Variants in PCDH11X observed in about 807,000 individuals in gnomAD.
PCDH11X encodes the protein protocadherin 11 X-linked.
Under a neutral mutation model 53.3 loss-of-function variants are expected in PCDH11X, and 18 were observed. The observed-to-expected ratio is 0.34, with a 90% confidence interval of 0.23 to 0.50. The LOEUF is 0.50. PCDH11X is among the 20% of genes least tolerant of loss of function. The pLI is 0.98. For synonymous variants in PCDH11X, 279 were observed against 393.3 expected (o/e 0.71, Z 3.44); for missense variants, 570 against 1,032.4 (o/e 0.55, Z 6.14).
intron 10 of PCDH11X, among the ~76,000 whole-genome samples, chrX:92,575,978 GTATATATATA>G (rs1173562560): frequency 1.4e-3 from 26 of 18,446 alleles, no homozygotes; most frequent in Non-Finnish European, 2.0e-3. Context: ...CACCTGGGGT[GTATATATATA>G]TATATATATA....
intron 10 of PCDH11X, among the ~76,000 whole-genome samples, chrX:92,552,233 G>C (rs5942300): frequency 0.25 from 19,272 of 77,985 alleles, 3,590 homozygotes; most frequent in Non-Finnish European, 0.33. Flanking sequence ...TTTCATCAGT[G>C]TTTTATAGCT....
At chrX:92,432,209 A>G (rs1786332192) in intron 9 of PCDH11X, among the ~76,000 whole-genome samples, 1 of 110,488 alleles carries the variant, frequency 9.1e-6, no homozygotes, top group Non-Finnish European at 1.9e-5. Context: ...ATTCCAAATA[A>G]TATGGCACCA....
chrX:92,254,386 C>T (rs2067521982), intron 7 of PCDH11X, among the ~76,000 whole-genome samples: 1 of 110,905 alleles, frequency 9.0e-6, no homozygotes, highest in South Asian at 3.9e-4. Context: ...GGTCTTGACT[C>T]TTTATCCAAT....
At position 91,958,476 on chromosome X, in the gene PCDH11X, T is replaced by A. The variant is rs2061739315; in HGVS notation, c.3033+79203T>A. Among the ~76,000 whole-genome samples, 3 of 111,076 alleles carry A rather than the reference T, an allele frequency of 2.7e-5. No individual in the cohort carries two copies. The Admixed American group carries it at 2.9e-4, about 11-fold the overall frequency. On this transcript the variant is annotated intron_variant, in intron 6 of 10. Coordinates refer to ENST00000682573, the MANE Select transcript of PCDH11X (RefSeq NM_032968.5). ...GACCCAAGGCCCTGGTGGTGTGGGC[T>A]CATGAGGCGATATCCAGATCCATGA...
At chrX:92,433,089 G>A (rs1326384460) in intron 9 of PCDH11X, among the ~76,000 whole-genome samples, 2 of 110,508 alleles carry the variant, frequency 1.8e-5, no homozygotes, top group East Asian at 2.9e-4. Flanking sequence ...AAGTGGTGAA[G>A]GGGGGATTCA....
chrX:91,940,741 C>G (rs1251380919), intron 6 of PCDH11X, among the ~76,000 whole-genome samples: 1 of 104,116 alleles, frequency 9.6e-6, no homozygotes, highest in Non-Finnish European at 2.0e-5. Flanking sequence ...TTATGTTGCC[C>G]AGGTTGGTCT....
At chrX:92,523,257 A>G (rs1465499316) in intron 10 of PCDH11X, among the ~76,000 whole-genome samples, 22 of 111,399 alleles carry the variant, frequency 2.0e-4, no homozygotes, top group Non-Finnish European at 3.8e-4. Flanking sequence ...TTTTTTGCAT[A>G]GTACTCAGCC....
intron 10 of PCDH11X, among the ~76,000 whole-genome samples, chrX:92,585,824 A>G (rs1337080924): frequency 9.1e-6 from 1 of 109,335 alleles, no homozygotes; most frequent in Non-Finnish European, 1.9e-5. Context: ...GCTTTTCTGT[A>G]CATTCTATTT....
chrX:92,443,822 A>G (rs185026880), intron 9 of PCDH11X, among the ~76,000 whole-genome samples: 242 of 111,634 alleles, frequency 2.2e-3, no homozygotes, highest in African/African-American at 7.5e-3. Flanking sequence ...TTTGTTGAAG[A>G]TAAGATGGTT....
intron 6 of PCDH11X, among the ~76,000 whole-genome samples, chrX:91,935,275 T>C (rs1401897258): frequency 9.5e-6 from 1 of 105,493 alleles, no homozygotes; most frequent in African/African-American, 3.4e-5. Flanking sequence ...GCTATAGAGA[T>C]AACAAATGTC....
At chrX:92,185,095 A>G (rs1221451760) in intron 6 of PCDH11X, among the ~76,000 whole-genome samples, 1 of 109,997 alleles carries the variant, frequency 9.1e-6, no homozygotes, top group South Asian at 4.0e-4. Flanking sequence ...AATATGATAT[A>G]ACTGGGGCTA....
In PCDH11X at chrX:92,141,342, T is replaced by C. The variant is rs1415338027; in HGVS notation, c.3034-60033T>C. ...TCATTATTAGTATGGGCCCATACCTTGTCTGACTGCTGGGTCAGCAAGTGG... is the reference window on the plus strand; with the variant it reads ...TCATTATTAGTATGGGCCCATACCTCGTCTGACTGCTGGGTCAGCAAGTGG... On this transcript the variant is annotated intron_variant, in intron 6 of 10. Coordinates refer to ENST00000682573, the MANE Select transcript of PCDH11X (RefSeq NM_032968.5). Among the ~76,000 whole-genome samples the C allele has an allele frequency of 5.4e-5, 6 of 111,992 alleles. No individual in the cohort carries two copies. The South Asian group carries it at 1.5e-3, about 28-fold the overall frequency.
intron 10 of PCDH11X, among the ~76,000 whole-genome samples, chrX:92,568,016 G>GA (rs770350857): frequency 2.6e-3 from 285 of 107,907 alleles, no homozygotes; most frequent in African/African-American, 8.5e-3. Flanking sequence ...AAAAGTTGAA[G>GA]AAAAAAAAGA....
Position 92,085,299 on chromosome X carries a change from T to C in PCDH11X, c.3034-116076T>C, listed in dbSNP as rs565147682. Among the ~76,000 whole-genome samples, 5 of 110,395 alleles carry C rather than the reference T, an allele frequency of 4.5e-5. No individual in the cohort carries two copies. In the South Asian group the frequency reaches 1.9e-3, roughly 42 times the overall value. The stretch of plus-strand genomic sequence containing the variant: ...TTTATATACTAAAAGAGGTTGTAGT[T>C]TGTGGTTTGTTTGGTAGGAATTCAA... On this transcript the variant is annotated intron_variant, in intron 6 of 10. Transcript: ENST00000682573.
chrX:92,065,400 G>A (rs4126446), intron 6 of PCDH11X, among the ~76,000 whole-genome samples: 1 of 111,203 alleles, frequency 9.0e-6, no homozygotes. Flanking sequence ...TTGCTGGATT[G>A]TATGGTAACT....
At chrX:92,064,370 C>G (rs1307426391) in intron 6 of PCDH11X, among the ~76,000 whole-genome samples, 1 of 109,979 alleles carries the variant, frequency 9.1e-6, no homozygotes, top group Non-Finnish European at 1.9e-5. Context: ...AGTTTACATA[C>G]AATACAATGC....
chrX:92,250,226 G>T (rs1252084011), intron 7 of PCDH11X, among the ~76,000 whole-genome samples: 1 of 110,978 alleles, frequency 9.0e-6, no homozygotes, highest in Non-Finnish European at 1.9e-5. Flanking sequence ...CCTGCCTATA[G>T]TCTTTAAAAA....
intron 9 of PCDH11X, among the ~76,000 whole-genome samples, chrX:92,456,387 G>A (rs995607380): frequency 4.5e-5 from 5 of 111,550 alleles, no homozygotes; most frequent in Non-Finnish European, 5.7e-5. Context: ...TAAAGGGAGA[G>A]ATTAATAGGA....
chrX:92,112,312 G>C (rs1602957621), intron 6 of PCDH11X, among the ~76,000 whole-genome samples: 1 of 96,463 alleles, frequency 1.0e-5, no homozygotes, highest in Non-Finnish European at 2.0e-5. Context: ...ACAGTATCTG[G>C]GATAGGGTGA....
Sources: allele counts gnomAD v4.1 joint callset (sites outside exome capture counted in the v4.1 genomes callset), GRCh38; gene constraint gnomAD v4.1.1; transcripts MANE v1.5; gene names NCBI Gene and HGNC (gene_info 2026-07-23, HGNC 2026-07-21).